Variants in DUSP15 observed in about 807,000 individuals in gnomAD.
The protein encoded by DUSP15 is dual specificity phosphatase 15, also known as dual specificity protein phosphatase 15.
In DUSP15, 23 loss-of-function variants were observed where a neutral mutation model predicts 26.3. The ratio of observed to expected loss-of-function variants is 0.87; its 90% CI spans 0.63 to 1.24. The LOEUF (loss-of-function observed/expected upper bound fraction) is 1.24. Ranked by LOEUF, DUSP15 falls within the 50% of genes most tolerant of loss-of-function variation. The pLI is 0.00. For missense variants in DUSP15, 364 were observed against 320.6 expected, an observed-to-expected ratio of 1.14 and a Z score of -1.03; for synonymous variants, 143 against 135.5, an observed-to-expected ratio of 1.06 and a Z score of -0.39.
intron 8 of DUSP15, among the ~76,000 whole-genome samples, chr20:31,849,189 G>T (rs952319497): frequency 2.0e-5 from 3 of 151,862 alleles, no homozygotes; most frequent in African/African-American, 4.8e-5. Context: ...CCTATCTCGT[G>T]CTTGGTGCAC....
At chr20:31,859,622 G>A (rs756834367), downstream of DUSP15, among the ~76,000 whole-genome samples, 1 of 152,212 alleles carries the variant, frequency 6.6e-6, no homozygotes, top group African/African-American at 2.4e-5. Flanking sequence ...TGGAATATCA[G>A]ATCAGTCCTA....
Position 31,862,847 on chromosome 20 carries a change from C to T in DUSP15, c.264-105G>A, listed in dbSNP as rs2062690775. ...CTCCCCCACCCTTGCCTCCTGAGCTCCAACCATAAGGGACCTGTCAGGACT... is the reference window on the plus strand; with the variant it reads ...CTCCCCCACCCTTGCCTCCTGAGCTTCAACCATAAGGGACCTGTCAGGACT... On this transcript the variant is annotated intron_variant, in intron 5 of 6. Transcript: ENST00000339738. 2.4e-6 allele frequency: 3 copies of T among 1,252,140 alleles called. No homozygotes were observed. In the African/African-American group the frequency reaches 4.5e-5, roughly 19 times the overall value. 77.6% of individuals were successfully genotyped at this position (1,252,140 alleles called of 1,614,324 possible). A position where few individuals can be genotyped will look rare whatever the true frequency, so the allele number is the denominator to read the frequency against.
chr20:31,850,756 G>T, intron 6 of DUSP15: 2 of 1,450,484 alleles, frequency 1.4e-6, no homozygotes, highest in Non-Finnish European at 1.9e-6. Context: ...CAGGGAGGAG[G>T]CAGGGCTGGG....
intron 3 of DUSP15, 123 bp downstream of exon 3, chr20:31,866,947 TG>T (rs2062780974): frequency 1.0e-6 from 1 of 970,308 alleles, no homozygotes. Context: ...GGCCCAGTGG[TG>T]GAGACCAAAT....
intron 6 of DUSP15, among the ~76,000 whole-genome samples, 165 bp downstream of exon 6, chr20:31,862,406 C>T (rs976267689): frequency 6.6e-6 from 1 of 152,188 alleles, no homozygotes; most frequent in Non-Finnish European, 1.5e-5. Flanking sequence ...GGCTGTCTAA[C>T]AAAATACACC....
At chr20:31,848,570 G>T (rs2062406118) in intron 9 of DUSP15, 2 of 1,561,266 alleles carry the variant, frequency 1.3e-6, no homozygotes, top group East Asian at 2.3e-5. Flanking sequence ...CTGCACCTGC[G>T]GGGGCGGGTG....
intron 2 of DUSP15, among the ~76,000 whole-genome samples, chr20:31,868,682 G>T (rs1040729088): frequency 1.3e-5 from 2 of 152,050 alleles, no homozygotes; most frequent in African/African-American, 4.8e-5. Context: ...GTTTCACTAT[G>T]TTGGCCAGGC....
At chr20:31,866,957 A>C in intron 3 of DUSP15, 114 bp downstream of exon 3, 2 of 1,062,470 alleles carry the variant, frequency 1.9e-6, no homozygotes, top group Non-Finnish European at 2.7e-6. Flanking sequence ...TGGAGACCAA[A>C]TGAGTTAACA....
intron 2 of DUSP15, among the ~76,000 whole-genome samples, chr20:31,867,514 G>T (rs1309963902): frequency 6.6e-6 from 1 of 151,990 alleles, no homozygotes. Context: ...TTAAACATGG[G>T]AACAACCTGG....
chr20:31,861,171 C>A lies in DUSP15; in HGVS notation c.*232G>T. On this transcript the variant is annotated 3_prime_UTR_variant, in exon 7 of 7. Transcript: ENST00000339738. Reference sequence around the variant, plus strand: ...GCCTTTAAGGGTGGGCCCCCTCCCCCAGCCCAAGGACTAAGGCACCAGGTG... The same window carrying A: ...GCCTTTAAGGGTGGGCCCCCTCCCCAAGCCCAAGGACTAAGGCACCAGGTG... The A allele has an allele frequency of 7.5e-7, 1 of 1,337,210 alleles. No individual in the cohort carries two copies. Among genetic ancestry groups the A allele is most frequent in the Non-Finnish European group, 9.5e-7 (1 of 1,050,864 alleles). 82.8% of individuals were successfully genotyped at this position (1,337,210 alleles called of 1,614,324 possible).
intron 6 of DUSP15, among the ~76,000 whole-genome samples, chr20:31,855,197 G>A (rs2062541185): frequency 6.6e-6 from 1 of 152,138 alleles, no homozygotes; most frequent in South Asian, 2.1e-4. Context: ...AAGGACACGT[G>A]TTTACATATG....
chr20:31,854,545 G>T (rs2062528947), intron 6 of DUSP15, among the ~76,000 whole-genome samples: 1 of 152,162 alleles, frequency 6.6e-6, no homozygotes, highest in African/African-American at 2.4e-5. Flanking sequence ...TGGTCTCCAA[G>T]CGACTAGAAT....
Position 31,870,235 on chromosome 20 carries a change from G to A in DUSP15, c.21+82C>T. 1 of 1,226,116 alleles carries A rather than the reference G, an allele frequency of 8.2e-7. No homozygotes were observed. Among genetic ancestry groups the A allele is most frequent in the Non-Finnish European group, 1.0e-6 (1 of 984,050 alleles). 76.0% of individuals were successfully genotyped at this position (1,226,116 alleles called of 1,614,324 possible). On this transcript the variant is annotated intron_variant, in intron 1 of 6. Coordinates refer to ENST00000339738, the MANE Select transcript of DUSP15 (RefSeq NM_080611.5). This position sits in a 1 kb window ranked among gnomAD's most constrained non-coding sequence, Gnocchi z 6.6. ...AGACCGGCGAGAACAGAAGGTCAGA[G>A]GCGGGCGGACCGAGCTGGTCAGCGC...
rs187701553 is a variant in DUSP15 at position 31,867,152 on chromosome 20, A to G, written c.57T>C (p.Asp19=). ...GGCCCAGCTGATCCAGGTCTTTGGC[A>G]TCTGAAAGAAACAGGATGCTTGAGC... The part of the protein sequence containing the change: ...LPGLYLGNFI[D]AKDLDQLGRN... The change falls in exon 3 of 7, where the codon GAT becomes GAC. Residue 19 remains aspartate, a splice_region_variant and synonymous_variant. Coordinates refer to ENST00000339738, the MANE Select transcript of DUSP15 (RefSeq NM_080611.5). 1.3e-6 allele frequency: 2 copies of G among 1,582,358 alleles called. No homozygotes were observed. Among genetic ancestry groups the G allele is most frequent in the African/African-American group, 2.7e-5 (2 of 74,446 alleles).
chr20:31,856,845 G>C (rs962304808), downstream of DUSP15, among the ~76,000 whole-genome samples: 3 of 152,170 alleles, frequency 2.0e-5, no homozygotes, highest in African/African-American at 7.2e-5. Context: ...CAGTAGAGGA[G>C]GGGACAGGAT....
At chr20:31,851,697 T>G (rs868464242) in intron 6 of DUSP15, among the ~76,000 whole-genome samples, 1 of 151,962 alleles carries the variant, frequency 6.6e-6, no homozygotes, top group Non-Finnish European at 1.5e-5. Flanking sequence ...GTGGGGCCAG[T>G]GGGTGACTTG....
chr20:31,866,688 G>T (rs1356884815), intron 3 of DUSP15, among the ~76,000 whole-genome samples: 1 of 152,192 alleles, frequency 6.6e-6, no homozygotes, highest in East Asian at 1.9e-4. Context: ...CAAAGCCCTA[G>T]AGAGGTGAAG....
At chr20:31,862,525 G>A (rs2062682234) in intron 6 of DUSP15, 46 bp downstream of exon 6, 2 of 1,530,052 alleles carry the variant, frequency 1.3e-6, no homozygotes, top group Admixed American at 2.0e-5. Context: ...GTGGGAAGAA[G>A]GATCTCCCAC....
chr20:31,846,325 T>C (rs1217791138), downstream of DUSP15, among the ~76,000 whole-genome samples: 3 of 143,680 alleles, frequency 2.1e-5, no homozygotes, highest in Non-Finnish European at 4.6e-5. Flanking sequence ...CACACACACG[T>C]AGTATACGGA....
Sources: gnomAD v4.1 joint callset for allele counts (sites outside exome capture counted in the v4.1 genomes callset) on GRCh38, gnomAD v4.1.1 for gene constraint, Gnocchi (gnomAD v3.1) non-coding constraint, MANE v1.5 for transcripts, NCBI Gene and HGNC (gene_info 2026-07-23, HGNC 2026-07-21) for gene names.